RHOQ: variants seen among roughly 807,000 people sequenced by gnomAD.
The protein encoded by RHOQ is rho-related GTP-binding protein RhoQ.
Under a neutral mutation model 25.8 loss-of-function variants are expected in RHOQ, and 7 were observed. The ratio of observed to expected loss-of-function variants is 0.27; its 90% CI spans 0.15 to 0.51. The LOEUF (loss-of-function observed/expected upper bound fraction) is 0.51. Ranked by LOEUF, RHOQ falls within the 20% of genes least tolerant of loss-of-function variation. The pLI is 0.97. For missense variants in RHOQ, 165 were observed against 260.6 expected (o/e 0.63, Z 2.53); for synonymous variants, 97 against 98.6 (o/e 0.98, Z 0.10).
At chr2:46,559,244 C>A (rs1211256003) in intron 2 of RHOQ, among the ~76,000 whole-genome samples, 2 of 152,174 alleles carry the variant, frequency 1.3e-5, no homozygotes, top group African/African-American at 4.8e-5. Context: ...GATCCACCTG[C>A]CTCGGCCTCT....
rs748080572 is a variant in RHOQ at position 46,576,163 on chromosome 2, C to G, written c.278C>G (p.Pro93Arg). 2 of 1,593,556 alleles carry G rather than the reference C, an allele frequency of 1.3e-6. No individual in the cohort carries two copies. The highest frequency in any genetic ancestry group is 1.7e-5 in the Admixed American group (1 of 58,386). ...VFLICFSVVN[P>R]ASFQNVKEEW... ...CTTATATGCTTCTCGGTGGTAAATCCAGCCTCATTTCAAAATGTGAAAGAG... is the reference window on the plus strand; with the variant it reads ...CTTATATGCTTCTCGGTGGTAAATCGAGCCTCATTTCAAAATGTGAAAGAG... The change falls in exon 3 of 5, where the codon CCA (proline) becomes CGA (arginine). Residue 93 changes from proline to arginine, a missense_variant. Physicochemically the swap from Pro to Arg is moderately radical, Grantham distance 103. Coordinates refer to ENST00000238738, the MANE Select transcript of RHOQ (RefSeq NM_012249.4). This position sits in a 1 kb window ranked among gnomAD's most constrained non-coding sequence, Gnocchi z 5.1.
rs1388527075 is a variant in RHOQ at position 46,572,060 on chromosome 2, T to G, written c.202-4027T>G. Among the ~76,000 whole-genome samples the G allele has an allele frequency of 2.0e-5, 3 of 151,794 alleles. No individual in the cohort carries two copies. The East Asian group carries it at 5.8e-4, about 29-fold the overall frequency. ...AGCTTTTGTTTCCTCTCAGAGCGCA[T>G]TTCTTTAGTTTTTTGTTTGCAGATT... On this transcript the variant is annotated intron_variant, in intron 2 of 4. Coordinates refer to ENST00000238738, the MANE Select transcript of RHOQ (RefSeq NM_012249.4).
chr2:46,566,245 C>T lies in RHOQ; in HGVS notation c.202-9842C>T, dbSNP rs552417768. Among the ~76,000 whole-genome samples the T allele has an allele frequency of 6.6e-6, 1 of 152,254 alleles. No individual in the cohort carries two copies. The highest frequency in any genetic ancestry group is 1.9e-4 in the East Asian group (1 of 5,172). On this transcript the variant is annotated intron_variant, in intron 2 of 4. Coordinates refer to ENST00000238738, the MANE Select transcript of RHOQ (RefSeq NM_012249.4). The surrounding 1 kb of genome is among the most constrained non-coding windows in gnomAD (Gnocchi z 4.2). ...CAGAAATGTTGAATTTGAGATGCTT[C>T]TGGTTCAGCTAAAAGGAGGTACATA...
chr2:46,556,323 A>C lies in RHOQ; in HGVS notation c.201+12511A>C, dbSNP rs905861215. ...CTTTTTCAGTTGTTCTTCCATGGCC[A>C]TTCTTTCCCGGGCTCTGGGGACTAT... is the stretch of plus-strand genomic sequence containing the variant. On this transcript the variant is annotated intron_variant, in intron 2 of 4. Coordinates refer to ENST00000238738, the MANE Select transcript of RHOQ (RefSeq NM_012249.4). This position sits in a 1 kb window ranked among gnomAD's most constrained non-coding sequence, Gnocchi z 4.9. Among the ~76,000 whole-genome samples the C allele has an allele frequency of 4.6e-5, 7 of 151,502 alleles. No homozygotes were observed. Among genetic ancestry groups the C allele is most frequent in the African/African-American group, 1.7e-4 (7 of 41,160 alleles).
chr2:46,542,910 T>C lies in RHOQ; in HGVS notation c.-137T>C. Reference sequence around the variant, plus strand: ...CCTCCCCTCCTGCGAGGGGAGCCGCTGCATGGGGCCGGGGGGGCGGCCCTG... The same window carrying C: ...CCTCCCCTCCTGCGAGGGGAGCCGCCGCATGGGGCCGGGGGGGCGGCCCTG... On this transcript the variant is annotated 5_prime_UTR_variant, in exon 1 of 5. Coordinates refer to ENST00000238738, the MANE Select transcript of RHOQ (RefSeq NM_012249.4). The C allele has an allele frequency of 6.5e-6, 2 of 307,748 alleles. No individual in the cohort carries two copies. Among genetic ancestry groups the C allele is most frequent in the Non-Finnish European group, 9.4e-6 (2 of 212,316 alleles). 19.1% of individuals were successfully genotyped at this position (307,748 alleles called of 1,614,324 possible). A position where few individuals can be genotyped will look rare whatever the true frequency, so the allele number is the denominator to read the frequency against.
At chr2:46,579,253 C>A (rs1669253960) in intron 4 of RHOQ, among the ~76,000 whole-genome samples, 1 of 152,186 alleles carries the variant, frequency 6.6e-6, no homozygotes, top group African/African-American at 2.4e-5. Context: ...TGCTCCATCT[C>A]TTTACCTCCT....
In RHOQ at chr2:46,566,916, T is replaced by G. The variant is rs1668753147; in HGVS notation, c.202-9171T>G. On this transcript the variant is annotated intron_variant, in intron 2 of 4. Coordinates refer to ENST00000238738, the MANE Select transcript of RHOQ (RefSeq NM_012249.4). The surrounding 1 kb of genome is among the most constrained non-coding windows in gnomAD (Gnocchi z 4.2). ...CTCTCCCAGAACCTGGCTCTTTTCC[T>G]TCATAGCACCTGTCCCAATTTGCAT... Among the ~76,000 whole-genome samples, 1 of 152,214 alleles carries G rather than the reference T, an allele frequency of 6.6e-6. No individual in the cohort carries two copies.
rs1381032698 is a variant in RHOQ at position 46,576,406 on chromosome 2, G to A, written c.366+155G>A. On this transcript the variant is annotated intron_variant, in intron 3 of 4. Transcript: ENST00000238738. The surrounding 1 kb of genome is among the most constrained non-coding windows in gnomAD (Gnocchi z 5.1). ...TTCTATCATATTTTTGGAAAAAATT[G>A]TGCCAAAAGAAAGCAATTATTTTCC... Among the ~76,000 whole-genome samples the A allele has an allele frequency of 6.6e-6, 1 of 152,136 alleles. No individual in the cohort carries two copies. Among genetic ancestry groups the A allele is most frequent in the Non-Finnish European group, 1.5e-5 (1 of 68,022 alleles).
chr2:46,551,591 G>T (rs989254353), intron 2 of RHOQ, among the ~76,000 whole-genome samples: 9 of 152,150 alleles, frequency 5.9e-5, no homozygotes, highest in African/African-American at 2.2e-4. Flanking sequence ...TGACAACTTG[G>T]TAATTAAAGA....
intron 2 of RHOQ, among the ~76,000 whole-genome samples, chr2:46,546,038 G>C (rs1312580016): frequency 6.6e-6 from 1 of 152,106 alleles, no homozygotes; most frequent in Non-Finnish European, 1.5e-5. Flanking sequence ...GTTTTTCCCA[G>C]TGTCTAGACT....
chr2:46,573,413 A>G (rs1475052088), intron 2 of RHOQ, among the ~76,000 whole-genome samples: 1 of 152,232 alleles, frequency 6.6e-6, no homozygotes, highest in Non-Finnish European at 1.5e-5. Context: ...TTCATTTTAG[A>G]TTGTTCAGAC....
At position 46,579,706 on chromosome 2, in the gene RHOQ, G is replaced by A. The variant is rs915924615; in HGVS notation, c.463-1222G>A. Reference sequence around the variant, plus strand: ...ATCTCTACTAATACAAAATTAGCTGGGTGTGGTGGCACATGCCTGTAATCC... The same window carrying A: ...ATCTCTACTAATACAAAATTAGCTGAGTGTGGTGGCACATGCCTGTAATCC... On this transcript the variant is annotated intron_variant, in intron 4 of 4. Coordinates refer to ENST00000238738, the MANE Select transcript of RHOQ (RefSeq NM_012249.4). Among the ~76,000 whole-genome samples, 4 of 152,048 alleles carry A rather than the reference G, an allele frequency of 2.6e-5. No individual in the cohort carries two copies. The East Asian group carries it at 7.7e-4, about 29-fold the overall frequency.
At chr2:46,562,662 A>T (rs919924296) in intron 2 of RHOQ, among the ~76,000 whole-genome samples, 1 of 151,668 alleles carries the variant, frequency 6.6e-6, no homozygotes, top group Non-Finnish European at 1.5e-5. Flanking sequence ...GGCCGAGAGG[A>T]CTCCGTGGCC....
rs1032364900 is a variant in RHOQ at position 46,555,699 on chromosome 2, G to A, written c.201+11887G>A. ...GGCTATGCGCATGTACTGTTCTCCA[G>A]CAAGTCTAGACCTGTAGGAGTCCTT... On this transcript the variant is annotated intron_variant, in intron 2 of 4. Transcript: ENST00000238738. This position sits in a 1 kb window ranked among gnomAD's most constrained non-coding sequence, Gnocchi z 4.3. Among the ~76,000 whole-genome samples the A allele has an allele frequency of 2.0e-5, 3 of 152,228 alleles. No individual in the cohort carries two copies. Among genetic ancestry groups the A allele is most frequent in the Non-Finnish European group, 4.4e-5 (3 of 68,044 alleles).
intron 2 of RHOQ, among the ~76,000 whole-genome samples, chr2:46,554,578 A>C (rs904344209): frequency 1.3e-5 from 2 of 152,126 alleles, no homozygotes; most frequent in Non-Finnish European, 2.9e-5. Flanking sequence ...AATTAGTTCC[A>C]AAGCATCAGA....
At chr2:46,570,416 G>T (rs1668874710) in intron 2 of RHOQ, among the ~76,000 whole-genome samples, 1 of 151,850 alleles carries the variant, frequency 6.6e-6, no homozygotes, top group Non-Finnish European at 1.5e-5. Flanking sequence ...CTCTAGTCTG[G>T]GCTATAAGAG....
At chr2:46,568,005 G>C (rs1668788726) in intron 2 of RHOQ, among the ~76,000 whole-genome samples, 1 of 152,154 alleles carries the variant, frequency 6.6e-6, no homozygotes, top group African/African-American at 2.4e-5. Context: ...GGAGGTCAAG[G>C]CTGTAGCAAT....
At chr2:46,546,482 A>ATATATATATATATATG (rs1668060760) in intron 2 of RHOQ, among the ~76,000 whole-genome samples, 1 of 20,788 alleles carries the variant, frequency 4.8e-5, no homozygotes, top group Non-Finnish European at 7.8e-5. Flanking sequence ...ATGTGTATAT[A>ATATATATATATATATG]TATATATATA....
rs1669451323 is a variant in RHOQ at position 46,582,985 on chromosome 2, T to C, written c.*1902T>C. The C allele has an allele frequency of 6.6e-6, 1 of 152,194 alleles. No individual in the cohort carries two copies. The highest frequency in any genetic ancestry group is 1.5e-5 in the Non-Finnish European group (1 of 68,016). 9.4% of individuals were successfully genotyped at this position (152,194 alleles called of 1,614,324 possible). A position where few individuals can be genotyped will look rare whatever the true frequency, so the allele number is the denominator to read the frequency against. Reference sequence around the variant, plus strand: ...GCTCAAATGGAATCTTATGTAACTTTCTTATTTAATTTTGGTCTGCTTATT... The same window carrying C: ...GCTCAAATGGAATCTTATGTAACTTCCTTATTTAATTTTGGTCTGCTTATT... On this transcript the variant is annotated 3_prime_UTR_variant, in exon 5 of 5. Coordinates refer to ENST00000238738, the MANE Select transcript of RHOQ (RefSeq NM_012249.4).
Sources: allele counts gnomAD v4.1 joint callset (sites outside exome capture counted in the v4.1 genomes callset), GRCh38; gene constraint gnomAD v4.1.1; non-coding constraint Gnocchi (gnomAD v3.1); transcripts MANE v1.5; gene names NCBI Gene and HGNC (gene_info 2026-07-23, HGNC 2026-07-21).